Variants in FLRT2 observed in about 807,000 individuals in gnomAD.
The protein encoded by FLRT2 is leucine-rich repeat transmembrane protein FLRT2.
In FLRT2, 15 loss-of-function variants were observed where a neutral mutation model predicts 40.0. The ratio of observed to expected loss-of-function variants is 0.38; its 90% CI spans 0.25 to 0.58. FLRT2 has a LOEUF of 0.58. Ranked by LOEUF, FLRT2 falls within the 20% of genes least tolerant of loss-of-function variation. FLRT2 has a pLI of 0.71. For synonymous variants in FLRT2, 380 were observed against 336.8 expected, an observed-to-expected ratio of 1.13 and a Z score of -1.41; for missense variants, 726 against 840.0, an observed-to-expected ratio of 0.86 and a Z score of 1.68.
intron 1 of FLRT2, among the ~76,000 whole-genome samples, chr14:85,608,253 A>G (rs576887887): frequency 1.3e-5 from 2 of 151,250 alleles, no homozygotes; most frequent in South Asian, 4.2e-4. Context: ...TTTTTGAGAC[A>G]GAGTCTCACT....
chr14:85,546,570 T>C (rs1400124770), intron 1 of FLRT2, among the ~76,000 whole-genome samples: 1 of 152,230 alleles, frequency 6.6e-6, no homozygotes, highest in Non-Finnish European at 1.5e-5. Context: ...TCTGTGGTGT[T>C]TCTTCTGTCT....
chr14:85,566,887 C>T (rs542508052), intron 1 of FLRT2, among the ~76,000 whole-genome samples: 149 of 152,042 alleles, frequency 9.8e-4, no homozygotes, highest in Non-Finnish European at 1.9e-3. Flanking sequence ...AAAAGCCTTC[C>T]GTTTCTGCCA....
rs568146259 is a variant in FLRT2, at chr14:85,626,774, G to A, written c.*3277G>A. On this transcript the variant is annotated 3_prime_UTR_variant, in exon 2 of 2. Coordinates refer to ENST00000330753, the MANE Select transcript of FLRT2 (RefSeq NM_013231.6). ...GCAATTTCTAATTATCTGGATGTTC[G>A]TTGAAAATATATTAGACATTCTCCC... is the stretch of plus-strand genomic sequence containing the variant. The A allele has an allele frequency of 1.7e-4, 29 of 167,146 alleles. No individual in the cohort carries two copies. Among genetic ancestry groups the A allele is most frequent in the African/African-American group, 5.8e-4 (24 of 41,554 alleles). 10.4% of individuals were successfully genotyped at this position (167,146 alleles called of 1,614,324 possible).
chr14:85,544,153 C>A (rs1889139154), intron 1 of FLRT2, among the ~76,000 whole-genome samples: 1 of 152,152 alleles, frequency 6.6e-6, no homozygotes, highest in South Asian at 2.1e-4. Context: ...GGGGGAAGTA[C>A]AACCACCACC....
intron 1 of FLRT2, among the ~76,000 whole-genome samples, chr14:85,559,043 T>C (rs1271384058): frequency 1.3e-5 from 2 of 152,242 alleles, no homozygotes; most frequent in East Asian, 3.8e-4. Context: ...GAAGCACATG[T>C]GTACACATAG....
chr14:85,584,723 C>G (rs957736437), intron 1 of FLRT2, among the ~76,000 whole-genome samples: 3 of 152,130 alleles, frequency 2.0e-5, no homozygotes, highest in Admixed American at 6.5e-5. Flanking sequence ...CTAAGTGGTA[C>G]TGAAAGCTGC....
chr14:85,537,840 G>GTT (rs1424211482), intron 1 of FLRT2, among the ~76,000 whole-genome samples: 14 of 38,520 alleles, frequency 3.6e-4, no homozygotes, highest in African/African-American at 6.9e-4. Flanking sequence ...GAACCTTCAT[G>GTT]TTTTGTTTTT....
chr14:85,562,139 A>ATGC (rs1890369865), intron 1 of FLRT2, among the ~76,000 whole-genome samples: 1 of 152,250 alleles, frequency 6.6e-6, no homozygotes. Flanking sequence ...CTATGAGTAA[A>ATGC]ACCTTGGACT....
intron 1 of FLRT2, among the ~76,000 whole-genome samples, chr14:85,573,024 G>A (rs972154355): frequency 2.0e-5 from 3 of 152,022 alleles, no homozygotes; most frequent in African/African-American, 7.3e-5. Context: ...TCTCTGATTA[G>A]TCACAGTTTT....
rs751995008 is a variant in FLRT2, at chr14:85,643,791, C to G, written c.*20294C>G. ...AGATGCTGCCCACAAAATGTGCTCC[C>G]TGTTTAAGTGGGGTTGGTGGAATCC... is the stretch of plus-strand genomic sequence containing the variant. On this transcript the variant is annotated 3_prime_UTR_variant, in exon 2 of 2. Transcript: ENST00000330753. 2 of 151,754 alleles carry G rather than the reference C, an allele frequency of 1.3e-5. No homozygotes were observed. The highest frequency in any genetic ancestry group is 3.9e-4 in the East Asian group (2 of 5,158). The allele number at this position is 151,754 out of a possible 1,614,324, so 9.4% of individuals were successfully genotyped here.
intron 1 of FLRT2, among the ~76,000 whole-genome samples, chr14:85,574,675 A>G (rs1197105947): frequency 1.3e-5 from 2 of 152,080 alleles, no homozygotes; most frequent in East Asian, 3.9e-4. Context: ...GTGTTAAGGA[A>G]TTTAACCACA....
intron 1 of FLRT2, among the ~76,000 whole-genome samples, chr14:85,571,408 A>G (rs554414703): frequency 2.0e-5 from 3 of 152,172 alleles, no homozygotes; most frequent in African/African-American, 4.8e-5. Context: ...ACTGTTGACA[A>G]TTGGCAGCAT....
In FLRT2 at chr14:85,639,885, G is replaced by A. The variant is rs1314970730; in HGVS notation, c.*16388G>A. 36 of 104,554 alleles carry A rather than the reference G, an allele frequency of 3.4e-4. No homozygotes were observed. The highest frequency in any genetic ancestry group is 5.8e-4 in the Non-Finnish European group (33 of 56,756). 6.5% of individuals were successfully genotyped at this position (104,554 alleles called of 1,614,324 possible). ...TTTTTTTGAGACAGTGTCTCGCTCT[G>A]TCCCCCAGGCCAGAGTGCAGCGGCG... On this transcript the variant is annotated 3_prime_UTR_variant, in exon 2 of 2. Transcript: ENST00000330753.
At chr14:85,591,856 T>C (rs1445184970) in intron 1 of FLRT2, among the ~76,000 whole-genome samples, 1 of 152,204 alleles carries the variant, frequency 6.6e-6, no homozygotes, top group Non-Finnish European at 1.5e-5. Flanking sequence ...CATAGCATTT[T>C]TACTGCTTAA....
intron 1 of FLRT2, among the ~76,000 whole-genome samples, chr14:85,611,862 C>A (rs1289961869): frequency 6.7e-6 from 1 of 150,236 alleles, no homozygotes; most frequent in African/African-American, 2.5e-5. Flanking sequence ...GATGAAAAGT[C>A]AAAACTACCT....
intron 1 of FLRT2, among the ~76,000 whole-genome samples, chr14:85,562,271 T>C (rs1890382345): frequency 6.6e-6 from 1 of 152,222 alleles, no homozygotes; most frequent in Non-Finnish European, 1.5e-5. Flanking sequence ...GAATATTTCA[T>C]TTCCACACAG....
Position 85,622,784 on chromosome 14 carries a change from C to T in FLRT2, c.1270C>T (p.Arg424Trp), listed in dbSNP as rs540955201. The part of the protein sequence containing the change: ...RERVTPPISE[R>W]IQLSIHFVND... ...AAGAGTGACCCCACCTATTTCTGAACGGATCCAGCTCTCTATCCATTTTGT... is the reference window on the plus strand; with the variant it reads ...AAGAGTGACCCCACCTATTTCTGAATGGATCCAGCTCTCTATCCATTTTGT... Residue 424 changes from arginine (R) to tryptophan (W), a missense_variant, in exon 2 of 2, where the codon CGG becomes TGG. Coordinates refer to ENST00000330753, the MANE Select transcript of FLRT2 (RefSeq NM_013231.6). 5 of 1,614,154 alleles carry T rather than the reference C, an allele frequency of 3.1e-6. No homozygotes were observed. The highest frequency in any genetic ancestry group is 2.2e-5 in the East Asian group (1 of 44,856).
At chr14:85,546,427 A>C (rs1277149864) in intron 1 of FLRT2, among the ~76,000 whole-genome samples, 1 of 152,104 alleles carries the variant, frequency 6.6e-6, no homozygotes, top group Admixed American at 6.5e-5. Flanking sequence ...GGCCAGTCTA[A>C]TGGAATCCTT....
intron 1 of FLRT2, among the ~76,000 whole-genome samples, chr14:85,543,144 G>A (rs1307446411): frequency 1.3e-5 from 2 of 152,166 alleles, no homozygotes; most frequent in Non-Finnish European, 2.9e-5. Context: ...AAATCATGAA[G>A]ACTAAGGTGG....
Sources: allele counts gnomAD v4.1 joint callset (sites outside exome capture counted in the v4.1 genomes callset), GRCh38; gene constraint gnomAD v4.1.1; transcripts MANE v1.5; gene names NCBI Gene and HGNC (gene_info 2026-07-23, HGNC 2026-07-21).